ATP2B2: variants seen among roughly 807,000 people sequenced by gnomAD.
The protein encoded by ATP2B2 is plasma membrane calcium-transporting ATPase 2.
ATP2B2 carries 15 observed loss-of-function variants against 120.0 expected under a neutral mutation model. The ratio of observed to expected loss-of-function variants is 0.12; its 90% CI spans 0.08 to 0.19. The LOEUF (loss-of-function observed/expected upper bound fraction) is 0.19. ATP2B2 is among the 10% of genes least tolerant of loss of function. The pLI is 1.00. For missense variants in ATP2B2, 1,045 were observed against 1,719.8 expected (o/e 0.61, Z 6.94); for synonymous variants, 694 against 700.3 (o/e 0.99, Z 0.14).
intron 2 of ATP2B2, among the ~76,000 whole-genome samples, chr3:10,608,186 G>A (rs2069136585): frequency 6.6e-6 from 1 of 152,166 alleles, no homozygotes; most frequent in South Asian, 2.1e-4. Flanking sequence ...TCTCTGGAAG[G>A]TCCCTGTCTC....
Position 10,329,193 on chromosome 3 carries a change from G to T in ATP2B2, c.3421-68C>A. ...ACAGCCAGGCTCGGGGGGCTCACAG[G>T]AGGGGCGGGTGGGAGAAGGGTTAGG... On this transcript the variant is annotated intron_variant, in intron 22 of 22. Transcript: ENST00000360273. This position sits in a 1 kb window ranked among gnomAD's most constrained non-coding sequence, Gnocchi z 5.9. 4.5e-5 allele frequency: 59 copies of T among 1,299,144 alleles called. No individual in the cohort carries two copies. The highest frequency in any genetic ancestry group is 5.6e-5 in the Non-Finnish European group (51 of 914,924). 80.5% of individuals were successfully genotyped at this position (1,299,144 alleles called of 1,614,324 possible).
chr3:10,396,182 C>T (rs762802624), intron 5 of ATP2B2, among the ~76,000 whole-genome samples: 28 of 152,240 alleles, frequency 1.8e-4, no homozygotes, highest in Non-Finnish European at 3.8e-4. Context: ...CCTCCAGATG[C>T]CACATTCCTT....
rs150429746 is a variant in ATP2B2, at chr3:10,442,128, C to T, written c.199+7217G>A. Among the ~76,000 whole-genome samples the T allele has an allele frequency of 5.3e-3, 809 of 152,208 alleles. 3 individuals carry two copies. Among genetic ancestry groups the T allele is most frequent in the Non-Finnish European group, 7.7e-3 (527 of 68,006 alleles). On this transcript the variant is annotated intron_variant, in intron 2 of 22. Coordinates refer to ENST00000360273, the MANE Select transcript of ATP2B2 (RefSeq NM_001001331.4). Reference sequence around the variant, plus strand: ...TGTTGGGAAGGCCTGGCTCTTAGTTCGCTCACAGTAAATGAGAGCCAGGGT... The same window carrying T: ...TGTTGGGAAGGCCTGGCTCTTAGTTTGCTCACAGTAAATGAGAGCCAGGGT...
chr3:10,411,510 G>C (rs1329503274), intron 2 of ATP2B2, among the ~76,000 whole-genome samples: 1 of 152,224 alleles, frequency 6.6e-6, no homozygotes, highest in Non-Finnish European at 1.5e-5. Flanking sequence ...GCAGTGGTTA[G>C]AGAAGAATCA....
intron 2 of ATP2B2, among the ~76,000 whole-genome samples, chr3:10,432,171 T>C (rs1054660485): frequency 1.8e-4 from 27 of 152,252 alleles, no homozygotes; most frequent in Admixed American, 6.5e-5. Flanking sequence ...TGTCAGTGCA[T>C]GGCCTCGGGC....
chr3:10,455,495 G>A (rs1019084348), intron 1 of ATP2B2, among the ~76,000 whole-genome samples: 1 of 152,242 alleles, frequency 6.6e-6, no homozygotes, highest in Non-Finnish European at 1.5e-5. Flanking sequence ...TGTCTTACAG[G>A]CTGCTGCAAG....
At chr3:10,627,418 G>A (rs1478170776) in intron 1 of ATP2B2, among the ~76,000 whole-genome samples, 1 of 152,184 alleles carries the variant, frequency 6.6e-6, no homozygotes, top group African/African-American at 2.4e-5. Context: ...GTAATATGGA[G>A]GCCTGGACAA....
chr3:10,574,738 G>C (rs1278532860), intron 2 of ATP2B2, among the ~76,000 whole-genome samples: 1 of 152,142 alleles, frequency 6.6e-6, no homozygotes, highest in Non-Finnish European at 1.5e-5. Context: ...TGAGTGTAAG[G>C]AACCCTGCAA....
intron 1 of ATP2B2, among the ~76,000 whole-genome samples, chr3:10,480,727 C>T (rs2065378408): frequency 6.6e-6 from 1 of 152,232 alleles, no homozygotes; most frequent in South Asian, 2.1e-4. Flanking sequence ...CCATCAGTGC[C>T]CGCAAGGCCT....
At chr3:10,382,810 C>T (rs534188681) in intron 8 of ATP2B2, among the ~76,000 whole-genome samples, 10 of 151,998 alleles carry the variant, frequency 6.6e-5, no homozygotes, top group Admixed American at 3.3e-4. Context: ...CAGTTGGGGG[C>T]TTGGGGGAGC....
chr3:10,640,372 C>T lies in ATP2B2; in HGVS notation c.-459-20411G>A, dbSNP rs764210386. Among the ~76,000 whole-genome samples, 8 of 152,146 alleles carry T rather than the reference C, an allele frequency of 5.3e-5. No homozygotes were observed. In the East Asian group the frequency reaches 5.8e-4, roughly 11 times the overall value. Reference sequence around the variant, plus strand: ...AAGACAGCACAGCACCTCTCTAAATCGGCCTCTTCCTTCTCTGTCAAGGAG... The same window carrying T: ...AAGACAGCACAGCACCTCTCTAAATTGGCCTCTTCCTTCTCTGTCAAGGAG... On this transcript the variant is annotated intron_variant, in intron 1 of 21. Transcript: ENST00000646379.
chr3:10,581,479 C>G lies in ATP2B2; in HGVS notation c.-415+38438G>C, dbSNP rs546621709. ...GCACGAGCCAGCCGGGGAGCGCTGG[C>G]CCACAGCCACAGTGATGAGGAACTG... On this transcript the variant is annotated intron_variant, in intron 2 of 21. Coordinates refer to the ATP2B2 transcript ENST00000646379. 2.2e-4 allele frequency among the ~76,000 whole-genome samples: 34 copies of G among 152,246 alleles called. No homozygotes were observed. The East Asian group carries it at 6.0e-3, about 27-fold the overall frequency.
chr3:10,697,438 G>A lies in ATP2B2; in HGVS notation c.-460+10477C>T, dbSNP rs143675660. Among the ~76,000 whole-genome samples the A allele has an allele frequency of 4.4e-3, 677 of 152,304 alleles. 4 individuals are homozygous for A. Among genetic ancestry groups the A allele is most frequent in the African/African-American group, 0.015 (635 of 41,560 alleles). On this transcript the variant is annotated intron_variant, in intron 1 of 21. Transcript: ENST00000646379. Reference sequence around the variant, plus strand: ...GAAGGATCTACTCCATAGAGACACAGGAAAGATGAGATAAAATAAGTATAA... The same window carrying A: ...GAAGGATCTACTCCATAGAGACACAAGAAAGATGAGATAAAATAAGTATAA...
intron 12 of ATP2B2, among the ~76,000 whole-genome samples, chr3:10,365,586 CAG>C (rs1001495858): frequency 6.7e-6 from 1 of 148,508 alleles, no homozygotes; most frequent in African/African-American, 2.5e-5. Flanking sequence ...CTCACCAGTG[CAG>C]AGTGTGTGTG....
intron 1 of ATP2B2, among the ~76,000 whole-genome samples, chr3:10,658,763 G>C (rs1425299354): frequency 6.6e-6 from 1 of 151,208 alleles, no homozygotes; most frequent in Non-Finnish European, 1.5e-5. Flanking sequence ...GATACTCCTC[G>C]AGAAGAGCAA....
intron 2 of ATP2B2, among the ~76,000 whole-genome samples, chr3:10,415,242 A>C (rs1575161900): frequency 2.0e-5 from 3 of 152,322 alleles, no homozygotes; most frequent in Admixed American, 2.0e-4. Flanking sequence ...ACGATGTCTC[A>C]CGTAAGGAGT....
At chr3:10,359,009 G>GA in intron 13 of ATP2B2, 84 bp from the exon 14 acceptor site, 1 of 1,304,644 alleles carries the variant, frequency 7.7e-7, no homozygotes, top group Non-Finnish European at 1.1e-6. Flanking sequence ...CCCTCGTGAT[G>GA]CCCAGCTAGC....
chr3:10,382,513 A>AT (rs35821909), intron 8 of ATP2B2, among the ~76,000 whole-genome samples: 7,794 of 141,246 alleles, frequency 0.055, 237 homozygotes, highest in Middle Eastern at 0.074. Context: ...TGACCGGCTA[A>AT]TTTTTTTTTT....
chr3:10,689,149 G>A (rs1038714337), intron 1 of ATP2B2, among the ~76,000 whole-genome samples: 1 of 152,232 alleles, frequency 6.6e-6, no homozygotes, highest in Non-Finnish European at 1.5e-5. Context: ...TAGATAAGGA[G>A]CAAATCCTTG....
Sources: gnomAD v4.1 joint callset for allele counts (sites outside exome capture counted in the v4.1 genomes callset) on GRCh38, gnomAD v4.1.1 for gene constraint, Gnocchi (gnomAD v3.1) non-coding constraint, MANE v1.5 for transcripts, NCBI Gene and HGNC (gene_info 2026-07-23, HGNC 2026-07-21) for gene names.